The following PPP2R2B variants were observed in gnomAD, a reference collection of about 807,000 sequenced individuals.
The protein encoded by PPP2R2B is serine/threonine-protein phosphatase 2A 55 kDa regulatory subunit B beta isoform.
A neutral mutation model predicts 46.0 loss-of-function variants in PPP2R2B; 5 were observed. The ratio of observed to expected loss-of-function variants is 0.11; its 90% CI spans 0.06 to 0.23. PPP2R2B has a LOEUF of 0.23. Ranked by LOEUF, PPP2R2B falls within the 10% of genes least tolerant of loss-of-function variation. The pLI, the probability that PPP2R2B is intolerant of heterozygous loss-of-function variation, is 1.00. For synonymous variants in PPP2R2B, 215 were observed against 206.7 expected (o/e 1.04, Z -0.34); for missense variants, 367 against 575.0 (o/e 0.64, Z 3.70).
chr5:147,070,253 T>C (rs1158823905), intron 2 of PPP2R2B, among the ~76,000 whole-genome samples: 2 of 152,192 alleles, frequency 1.3e-5, no homozygotes, highest in African/African-American at 4.8e-5. Flanking sequence ...ACTGCCCATA[T>C]ATATTTACTG....
At chr5:147,029,298 T>C (rs183655298) in intron 1 of PPP2R2B, among the ~76,000 whole-genome samples, 29 of 152,320 alleles carry the variant, frequency 1.9e-4, no homozygotes, top group African/African-American at 5.8e-4. Flanking sequence ...ATTTTAAACA[T>C]TTCATCTGAA....
chr5:146,979,079 TACTC>T (rs1753044077), intron 1 of PPP2R2B, among the ~76,000 whole-genome samples: 1 of 152,182 alleles, frequency 6.6e-6, no homozygotes, highest in African/African-American at 2.4e-5. Context: ...CATTTCTACT[TACTC>T]TACTTCAGTA....
intron 2 of PPP2R2B, among the ~76,000 whole-genome samples, chr5:146,785,841 G>A (rs1328315808): frequency 6.6e-6 from 1 of 152,154 alleles, no homozygotes; most frequent in Non-Finnish European, 1.5e-5. Context: ...TCTCATGGAG[G>A]TAGATAGTAG....
rs1218831721 is a variant in PPP2R2B at position 146,586,546 on chromosome 5, T to C, written c.*3401A>G. The C allele has an allele frequency of 6.6e-6, 1 of 152,200 alleles. No homozygotes were observed. Among genetic ancestry groups the C allele is most frequent in the African/African-American group, 2.4e-5 (1 of 41,454 alleles). The allele number at this position is 152,200 out of a possible 1,614,324, so 9.4% of individuals were successfully genotyped here. A position where few individuals can be genotyped will look rare whatever the true frequency, so the allele number is the denominator to read the frequency against. On this transcript the variant is annotated 3_prime_UTR_variant, in exon 10 of 10. Coordinates refer to ENST00000394411, the MANE Select transcript of PPP2R2B (RefSeq NM_181675.4). Reference sequence around the variant, plus strand: ...TTTTATTATAATGGACCCTAGAATATTCAAAGGAAGTTTAGTGGAGATAGC... The same window carrying C: ...TTTTATTATAATGGACCCTAGAATACTCAAAGGAAGTTTAGTGGAGATAGC...
chr5:146,997,965 C>G (rs1441310558), intron 1 of PPP2R2B, among the ~76,000 whole-genome samples: 1 of 152,018 alleles, frequency 6.6e-6, no homozygotes, highest in East Asian at 1.9e-4. Context: ...AAACTGAAAC[C>G]CCAAAGGTAA....
rs748292186 is a variant in PPP2R2B, at chr5:146,714,258, G to A, written c.71-13116C>T. ...AGAGTAAAACTTTAAGCTTAGTACT[G>A]TGGAGCTCATTTTTAACTTTGAGTA... is the stretch of plus-strand genomic sequence containing the variant. On this transcript the variant is annotated intron_variant, in intron 2 of 9. Coordinates refer to ENST00000394411, the MANE Select transcript of PPP2R2B (RefSeq NM_181675.4). Among the ~76,000 whole-genome samples the A allele has an allele frequency of 8.5e-5, 13 of 152,188 alleles. 1 individual carries two copies. The highest frequency in any genetic ancestry group is 1.3e-4 in the Non-Finnish European group (9 of 68,028).
chr5:146,715,282 G>A (rs767995155), intron 2 of PPP2R2B, among the ~76,000 whole-genome samples: 2 of 152,112 alleles, frequency 1.3e-5, no homozygotes, highest in Non-Finnish European at 2.9e-5. Context: ...TTCCTTTCCT[G>A]CAGTATGACT....
rs1487396850 is a variant in PPP2R2B, at chr5:146,837,726, GGTGT to G, written c.70+40272_70+40275del. On this transcript the variant is annotated intron_variant, in intron 2 of 9. Coordinates refer to ENST00000394411, the MANE Select transcript of PPP2R2B (RefSeq NM_181675.4). ...TTTTTGTACTAAGTCTTCTAAATCT[GGTGT>G]GTATTTTACACTTTCAGCATATCTC... Among the ~76,000 whole-genome samples the G allele has an allele frequency of 5.9e-4, 90 of 152,222 alleles. 1 individual carries two copies. The highest frequency in any genetic ancestry group is 1.5e-3 in the African/African-American group (63 of 41,528).
chr5:146,869,962 T>G (rs985270513), intron 2 of PPP2R2B, among the ~76,000 whole-genome samples: 1 of 152,148 alleles, frequency 6.6e-6, no homozygotes, highest in African/African-American at 2.4e-5. Context: ...TATTTTGTAC[T>G]TAGGGACCCA....
chr5:146,688,933 T>C (rs1306194166), intron 5 of PPP2R2B, among the ~76,000 whole-genome samples: 1 of 152,094 alleles, frequency 6.6e-6, no homozygotes, highest in East Asian at 1.9e-4. Flanking sequence ...GATTGCCATG[T>C]CTCGAGGGGC....
rs1052150464 is a variant in PPP2R2B at position 146,972,392 on chromosome 5, A to C, written c.79+83273T>G. Among the ~76,000 whole-genome samples, 9 of 152,280 alleles carry C rather than the reference A, an allele frequency of 5.9e-5. 1 individual carries two copies. In the East Asian group the frequency reaches 1.4e-3, roughly 23 times the overall value. On this transcript the variant is annotated intron_variant, in intron 1 of 8. Coordinates refer to the PPP2R2B transcript ENST00000336640. ...TGCCACACACTTATCTCTGGATATG[A>C]ATCACTAAGTCAAGCCCAAACTCAA...
At chr5:146,880,392 C>A (rs1373337618), upstream of PPP2R2B, among the ~76,000 whole-genome samples, 1 of 152,158 alleles carries the variant, frequency 6.6e-6, no homozygotes, top group East Asian at 1.9e-4. Flanking sequence ...GTGGCTGGTT[C>A]TTCCATGGGA....
chr5:146,802,437 C>G (rs1160867655), intron 2 of PPP2R2B, among the ~76,000 whole-genome samples: 1 of 152,164 alleles, frequency 6.6e-6, no homozygotes, highest in African/African-American at 2.4e-5. Flanking sequence ...TTTGTGAGCA[C>G]AAAAGAATTA....
chr5:146,821,063 G>C (rs1758229454), intron 2 of PPP2R2B, among the ~76,000 whole-genome samples: 1 of 151,864 alleles, frequency 6.6e-6, no homozygotes, highest in Non-Finnish European at 1.5e-5. Flanking sequence ...GCCACACCCT[G>C]GCTTCTCACC....
chr5:146,600,071 A>T (rs570999356), intron 8 of PPP2R2B, among the ~76,000 whole-genome samples: 1 of 152,316 alleles, frequency 6.6e-6, no homozygotes, highest in African/African-American at 2.4e-5. Flanking sequence ...TCCATTCCAC[A>T]TGAAGTGCTC....
intron 2 of PPP2R2B, among the ~76,000 whole-genome samples, chr5:146,815,370 T>C (rs1186556101): frequency 6.6e-5 from 10 of 152,250 alleles, no homozygotes; most frequent in African/African-American, 2.2e-4. Flanking sequence ...TGTATGCTTA[T>C]TGAGAGCAGA....
At chr5:146,636,170 C>T (rs1456702469) in intron 7 of PPP2R2B, among the ~76,000 whole-genome samples, 1 of 152,106 alleles carries the variant, frequency 6.6e-6, no homozygotes, top group East Asian at 1.9e-4. Context: ...CTCTGCTGTC[C>T]AGCGAAATGC....
intron 1 of PPP2R2B, among the ~76,000 whole-genome samples, chr5:146,999,040 A>G (rs1241423349): frequency 7.3e-6 from 1 of 137,726 alleles, no homozygotes; most frequent in Non-Finnish European, 1.6e-5. Flanking sequence ...AAAAAAAAAG[A>G]GTCAATCTCT....
intron 2 of PPP2R2B, among the ~76,000 whole-genome samples, chr5:146,763,913 A>AG (rs1006220515): frequency 7.9e-5 from 12 of 151,938 alleles, no homozygotes; most frequent in Non-Finnish European, 1.0e-4. Flanking sequence ...TTTTTTGTAG[A>AG]GGGGGGTCTC....
Sources: gnomAD v4.1 joint callset for allele counts (sites outside exome capture counted in the v4.1 genomes callset) on GRCh38, gnomAD v4.1.1 for gene constraint, MANE v1.5 for transcripts, NCBI Gene and HGNC (gene_info 2026-07-23, HGNC 2026-07-21) for gene names.